SLC4A7: variants seen among roughly 807,000 people sequenced by gnomAD.
The protein encoded by SLC4A7 is sodium bicarbonate cotransporter 3.
In SLC4A7, 51 loss-of-function variants were observed where a neutral mutation model predicts 137.6. The observed-to-expected ratio is 0.37, with a 90% CI of 0.30 to 0.47. The LOEUF (loss-of-function observed/expected upper bound fraction) is 0.47. SLC4A7 is among the 20% of genes least tolerant of loss of function. SLC4A7 has a pLI of 1.00. For synonymous variants in SLC4A7, 542 were observed against 518.6 expected, an observed-to-expected ratio of 1.05 and a Z score of -0.61; for missense variants, 1,247 against 1,525.4, an observed-to-expected ratio of 0.82 and a Z score of 3.04.
At chr3:27,438,111 C>G (rs578195540) in intron 3 of SLC4A7, among the ~76,000 whole-genome samples, 1 of 151,108 alleles carries the variant, frequency 6.6e-6, no homozygotes, top group African/African-American at 2.4e-5. Context: ...GCAGGAGAAT[C>G]GCTTGAACCT....
chr3:27,381,308 A>C (rs1316855822), intron 24 of SLC4A7, among the ~76,000 whole-genome samples: 1 of 152,210 alleles, frequency 6.6e-6, no homozygotes, highest in Non-Finnish European at 1.5e-5. Flanking sequence ...AGGATATAAA[A>C]ATTAAGCACA....
At chr3:27,418,756 G>A (rs906602854) in intron 10 of SLC4A7, 124 bp from the exon 11 acceptor site, 1 of 608,444 alleles carries the variant, frequency 1.6e-6, no homozygotes, top group South Asian at 2.3e-5. Flanking sequence ...CTTATCTCAG[G>A]CAGGTATTCA....
chr3:27,415,678 CCAAA>C (rs1274204258), intron 11 of SLC4A7, among the ~76,000 whole-genome samples: 1 of 152,178 alleles, frequency 6.6e-6, no homozygotes, highest in Non-Finnish European at 1.5e-5. Flanking sequence ...TCTAAAATTA[CCAAA>C]CAATCTTTGC....
chr3:27,464,571 C>T (rs564230242), intron 1 of SLC4A7, among the ~76,000 whole-genome samples: 169 of 151,958 alleles, frequency 1.1e-3, no homozygotes, highest in African/African-American at 4.0e-3. Context: ...TGGCGGGCGC[C>T]TTTACCAGCT....
At chr3:27,441,978 C>T (rs1157245323) in intron 3 of SLC4A7, among the ~76,000 whole-genome samples, 1 of 151,946 alleles carries the variant, frequency 6.6e-6, no homozygotes, top group Non-Finnish European at 1.5e-5. Context: ...TCACTGCAAC[C>T]TCCACCTCCC....
At chr3:27,464,226 A>G (rs150741220) in intron 1 of SLC4A7, among the ~76,000 whole-genome samples, 217 of 152,356 alleles carry the variant, frequency 1.4e-3, no homozygotes, top group African/African-American at 5.0e-3. Context: ...CGGAAGGATA[A>G]AACCCATTTG....
At chr3:27,411,809 C>G (rs1300236851) in intron 11 of SLC4A7, 61 bp from the exon 12 acceptor site, 1 of 751,080 alleles carries the variant, frequency 1.3e-6, no homozygotes, top group East Asian at 3.2e-5. Flanking sequence ...GAGATGGCAT[C>G]TTCAATTAGA....
At chr3:27,481,563 C>T (rs1183912854) in intron 1 of SLC4A7, among the ~76,000 whole-genome samples, 3 of 152,132 alleles carry the variant, frequency 2.0e-5, no homozygotes, top group African/African-American at 7.2e-5. Flanking sequence ...ACTGGGTGAG[C>T]GAAGATTTAA....
At chr3:27,405,773 CA>C (rs2053281482) in intron 13 of SLC4A7, among the ~76,000 whole-genome samples, 3 of 151,868 alleles carry the variant, frequency 2.0e-5, no homozygotes, top group Admixed American at 1.3e-4. Context: ...AAAATCTCCT[CA>C]AAAAAATTTA....
intron 3 of SLC4A7, among the ~76,000 whole-genome samples, chr3:27,448,042 T>C (rs2057792156): frequency 6.6e-6 from 1 of 151,560 alleles, no homozygotes; most frequent in South Asian, 2.1e-4. Context: ...TGAAACCCTG[T>C]CTCTACTGAA....
intron 16 of SLC4A7, 123 bp downstream of exon 16, chr3:27,400,641 C>A: frequency 1.6e-6 from 1 of 616,728 alleles, no homozygotes; most frequent in Non-Finnish European, 2.8e-6. Flanking sequence ...GTCAAAATAA[C>A]ACTACATTCT....
At position 27,386,015 on chromosome 3, in the gene SLC4A7, T is replaced by C. The variant is rs1337344333; in HGVS notation, c.3369A>G (p.Ala1123=). 42 of 1,598,978 alleles carry C rather than the reference T, an allele frequency of 2.6e-5. No individual in the cohort carries two copies. Among genetic ancestry groups the C allele is most frequent in the Non-Finnish European group, 3.6e-5 (42 of 1,175,488 alleles). Residue 1123 remains alanine (A), a synonymous_variant, in exon 23 of 26, where the codon GCA becomes GCG. Transcript: ENST00000454389. ...AAVVFPMMVL[A]LVFVRKLMDL... is the part of the protein sequence containing the mutation. ...CCATGAGTTTGCGCACAAACACTAA[T>C]GCAAGAACCTTTAAAAAGTGGGGAA...
chr3:27,459,968 TATTTA>T (rs1238348886), intron 1 of SLC4A7, among the ~76,000 whole-genome samples: 13 of 86,858 alleles, frequency 1.5e-4, no homozygotes, highest in African/African-American at 5.9e-4. Flanking sequence ...ATCTCAGTGT[TATTTA>T]TATATATATA....
chr3:27,480,841 C>T (rs2059677282), intron 1 of SLC4A7, among the ~76,000 whole-genome samples: 1 of 152,076 alleles, frequency 6.6e-6, no homozygotes, highest in Admixed American at 6.6e-5. Flanking sequence ...CTGGCACTCA[C>T]AAATGGAAAG....
intron 1 of SLC4A7, among the ~76,000 whole-genome samples, chr3:27,463,086 G>A (rs772033710): frequency 3.3e-5 from 5 of 151,272 alleles, no homozygotes; most frequent in Non-Finnish European, 5.9e-5. Flanking sequence ...CCCGAGGTCA[G>A]GAGAGACCAG....
chr3:27,392,107 G>A (rs752857555), intron 20 of SLC4A7, among the ~76,000 whole-genome samples: 4 of 152,136 alleles, frequency 2.6e-5, no homozygotes, highest in Non-Finnish European at 5.9e-5. Flanking sequence ...TCAGATTGCT[G>A]TAAAGATTCA....
intron 1 of SLC4A7, chr3:27,456,698 G>A (rs181059984): frequency 6.2e-7 from 1 of 1,610,746 alleles, no homozygotes; most frequent in Non-Finnish European, 8.5e-7. Flanking sequence ...ATATAGAAAT[G>A]CCTTGTTTCT....
At chr3:27,417,635 T>C (rs987403558) in intron 11 of SLC4A7, among the ~76,000 whole-genome samples, 1 of 152,108 alleles carries the variant, frequency 6.6e-6, no homozygotes, top group Admixed American at 6.6e-5. Flanking sequence ...ACACCTGTGG[T>C]CCAGGCTACA....
chr3:27,455,613 G>A lies in SLC4A7; in HGVS notation c.61-3115C>T, dbSNP rs552340446. 2.8e-4 allele frequency among the ~76,000 whole-genome samples: 35 copies of A among 126,346 alleles called. 1 individual carries two copies. In the East Asian group the frequency reaches 6.8e-3, roughly 25 times the overall value. 82.9% of individuals were successfully genotyped at this position (126,346 alleles called of 152,430 possible). On this transcript the variant is annotated intron_variant, in intron 1 of 25. Coordinates refer to ENST00000454389, the MANE Select transcript of SLC4A7 (RefSeq NM_001321103.2). ...TTTGGAGACAGAGTCTCATTCTGTCGCCCAGGCTGGAGTGCAGTCTTTGGG... is the reference window on the plus strand; with the variant it reads ...TTTGGAGACAGAGTCTCATTCTGTCACCCAGGCTGGAGTGCAGTCTTTGGG...
Sources: gnomAD v4.1 joint callset for allele counts (sites outside exome capture counted in the v4.1 genomes callset) on GRCh38, gnomAD v4.1.1 for gene constraint, MANE v1.5 for transcripts, NCBI Gene and HGNC (gene_info 2026-07-23, HGNC 2026-07-21) for gene names.